EEF2: variants seen among roughly 807,000 people sequenced by gnomAD.
The protein encoded by EEF2 is eukaryotic translation elongation factor 2.
In EEF2, 21 loss-of-function variants were observed where a neutral mutation model predicts 85.3. The ratio of observed to expected loss-of-function variants is 0.25; its 90% confidence interval spans 0.17 to 0.35. The LOEUF (loss-of-function observed/expected upper bound fraction) is 0.35. Among genes scored for constraint, EEF2 ranks in the 10% least tolerant of loss-of-function variants. The pLI, the probability that EEF2 is intolerant of heterozygous loss-of-function variation, is 1.00. For missense variants in EEF2, 825 were observed against 1,225.3 expected, an observed-to-expected ratio of 0.67 and a Z score of 4.88; for synonymous variants, 723 against 508.8, an observed-to-expected ratio of 1.42 and a Z score of -5.67.
chr19:3,985,248 G>T, intron 1 of EEF2, 130 bp downstream of exon 1: 2 of 1,067,388 alleles, frequency 1.9e-6, no homozygotes, highest in South Asian at 2.9e-5. Flanking sequence ...CCCCAGCCCC[G>T]GGTCCTCCGG....
intron 2 of EEF2, among the ~76,000 whole-genome samples, chr19:3,983,589 C>G (rs1022406999): frequency 6.6e-6 from 1 of 152,092 alleles, no homozygotes; most frequent in African/African-American, 2.4e-5. Context: ...ACTAAAAGAC[C>G]CAGCAGGACG....
At chr19:3,978,668 G>A (rs893498703) in intron 11 of EEF2, among the ~76,000 whole-genome samples, 2 of 151,344 alleles carry the variant, frequency 1.3e-5, no homozygotes, top group African/African-American at 4.9e-5. Flanking sequence ...AGCCGGGCAT[G>A]ATGGCAGGCG....
In EEF2 at chr19:3,977,924, G is replaced by C. The variant is rs112868528; in HGVS notation, c.1962C>G (p.Pro654=). The change falls in exon 12 of 15, where the codon CCC becomes CCG. Residue 654 remains proline, a synonymous_variant. Coordinates refer to ENST00000309311, the MANE Select transcript of EEF2 (RefSeq NM_001961.4). This position sits in a 1 kb window ranked among gnomAD's most constrained non-coding sequence, Gnocchi z 5.4. ...AEARKIWCFG[P]DGTGPNILTD... ...TGAGGATGTTGGGGCCGGTGCCGTC[G>C]GGCCCAAAGCACCAGATCTTGCGGG... is the stretch of plus-strand genomic sequence containing the variant. 1.9e-6 allele frequency: 3 copies of C among 1,613,426 alleles called. No homozygotes were observed. The highest frequency in any genetic ancestry group is 1.7e-6 in the Non-Finnish European group (2 of 1,179,994).
Position 3,977,751 on chromosome 19 carries a change from G to C in EEF2, c.2067+68C>G. ...CCCATTAGGGTCTCTGTCTCGGGAG[G>C]CAGGACCATGAGGTCCCTCTAGAGC... On this transcript the variant is annotated intron_variant, in intron 12 of 14. Coordinates refer to ENST00000309311, the MANE Select transcript of EEF2 (RefSeq NM_001961.4). This position sits in a 1 kb window ranked among gnomAD's most constrained non-coding sequence, Gnocchi z 5.4. 2 of 1,498,370 alleles carry C rather than the reference G, an allele frequency of 1.3e-6. No homozygotes were observed. Among genetic ancestry groups the C allele is most frequent in the Non-Finnish European group, 1.8e-6 (2 of 1,124,574 alleles). 92.8% of individuals were successfully genotyped at this position (1,498,370 alleles called of 1,614,324 possible). A position where few individuals can be genotyped will look rare whatever the true frequency, so the allele number is the denominator to read the frequency against.
Position 3,981,970 on chromosome 19 carries a change from G to A in EEF2, c.874C>T (p.Leu292=), listed in dbSNP as rs768813577. ...ACCTTGAAGATGGGGTCCAGGATCA[G>A]CTGGCAGAAGGTGCGTGGCAGCTTC... ...GKKLPRTFCQ[L]ILDPIFKVFD... The change falls in exon 6 of 15, where the codon CTG becomes TTG. Residue 292 remains leucine, a synonymous_variant. Transcript: ENST00000309311. 1.9e-6 allele frequency: 3 copies of A among 1,614,146 alleles called. No individual in the cohort carries two copies. Among genetic ancestry groups the A allele is most frequent in the Non-Finnish European group, 2.5e-6 (3 of 1,180,008 alleles).
intron 1 of EEF2, chr19:3,984,705 C>G (rs1052168210): frequency 4.6e-6 from 1 of 217,592 alleles, no homozygotes; most frequent in Non-Finnish European, 9.2e-6. Context: ...ACGTTGTCAC[C>G]GGGCCACCCA....
chr19:3,985,040 G>C (rs573121601), intron 1 of EEF2: 22 of 339,182 alleles, frequency 6.5e-5, no homozygotes, highest in African/African-American at 4.0e-4. Flanking sequence ...GCGGCCCGCG[G>C]GTTACATAAG....
In EEF2 at chr19:3,976,448, G is replaced by A. The variant is rs924434906; in HGVS notation, c.*106C>T. 7.6e-7 allele frequency: 1 copy of A among 1,321,354 alleles called. No individual in the cohort carries two copies. The highest frequency in any genetic ancestry group is 1.5e-5 in the African/African-American group (1 of 68,040). The allele number at this position is 1,321,354 out of a possible 1,614,324, so 81.9% of individuals were successfully genotyped here. ...CGGGCCCCAGAAACCTCTCAGGGGA[G>A]CGTCGCTGTGTCGGGACAGTCTCCA... is the stretch of plus-strand genomic sequence containing the variant. On this transcript the variant is annotated 3_prime_UTR_variant, in exon 15 of 15. Transcript: ENST00000309311.
At position 3,977,194 on chromosome 19, in the gene EEF2, C is replaced by T; in HGVS notation, c.2383+21G>A. 6.2e-7 allele frequency: 1 copy of T among 1,609,938 alleles called. No individual in the cohort carries two copies. The stretch of plus-strand genomic sequence containing the variant: ...AAACCAGCCTGCCAGGCTCTGCAGG[C>T]CACACCGGGCAGGCACTCACCAAAG... On this transcript the variant is annotated intron_variant, in intron 14 of 14. Transcript: ENST00000309311. This position sits in a 1 kb window ranked among gnomAD's most constrained non-coding sequence, Gnocchi z 5.4.
chr19:3,979,540 C>G (rs576527805), intron 10 of EEF2, 104 bp from the exon 11 acceptor site: 6 of 1,094,912 alleles, frequency 5.5e-6, no homozygotes, highest in East Asian at 4.8e-5. Context: ...AACAAGATTT[C>G]AGGGAAGGTG....
chr19:3,983,984 T>A (rs2039788500), intron 2 of EEF2, 152 bp downstream of exon 2: 1 of 795,158 alleles, frequency 1.3e-6, no homozygotes, highest in African/African-American at 1.7e-5. Context: ...CCATCCTGTC[T>A]CGCTGGACTG....
intron 2 of EEF2, chr19:3,983,896 G>A (rs1339501088): frequency 9.0e-6 from 5 of 555,396 alleles, no homozygotes; most frequent in Middle Eastern, 4.8e-4. Context: ...AAGTCCCCCA[G>A]GGAGGGAGAA....
rs1333674755 is a variant in EEF2, at chr19:3,977,846, C to T, written c.2040G>A (p.Val680=). Residue 680 remains valine (V), a synonymous_variant, in exon 12 of 15, where the codon GTG becomes GTA. Coordinates refer to ENST00000309311, the MANE Select transcript of EEF2 (RefSeq NM_001961.4). This position sits in a 1 kb window ranked among gnomAD's most constrained non-coding sequence, Gnocchi z 5.4. ...CCTTGGTGGCCCACTGGAAGCCGGC[C>T]ACCACACTGTCCTTGATCTCGTTGA... ...QYLNEIKDSV[V]AGFQWATKEG... is the part of the protein sequence containing the mutation. 1.9e-6 allele frequency: 3 copies of T among 1,594,746 alleles called. No homozygotes were observed. The African/African-American group carries it at 4.0e-5, about 21-fold the overall frequency.
At chr19:3,982,485 G>A in intron 4 of EEF2, 61 bp from the exon 5 acceptor site, 1 of 1,606,284 alleles carries the variant, frequency 6.2e-7, no homozygotes, top group Non-Finnish European at 8.5e-7. Context: ...TGAAGCTACG[G>A]GCTGGGCGCC....
chr19:3,978,832 T>A (rs370552007), intron 11 of EEF2, among the ~76,000 whole-genome samples: 2,917 of 24,776 alleles, frequency 0.12, 9 homozygotes, highest in Non-Finnish European at 0.15. Context: ...AAAAAAAAAA[T>A]AGCCCTGGGC....
intron 9 of EEF2, 132 bp from the exon 10 acceptor site, chr19:3,980,198 C>G: frequency 7.6e-7 from 1 of 1,312,426 alleles, no homozygotes; most frequent in Non-Finnish European, 1.0e-6. Flanking sequence ...TTCCACAAGG[C>G]CCTGACTGCT....
intron 1 of EEF2, among the ~76,000 whole-genome samples, chr19:3,984,558 T>C (rs74628367): frequency 1.3e-5 from 2 of 152,206 alleles, no homozygotes; most frequent in Non-Finnish European, 2.9e-5. Flanking sequence ...GTGTCATTCA[T>C]GATTGACAAC....
Position 3,984,130 on chromosome 19 carries a change from G to A in EEF2, c.218+6C>T. 2 of 1,613,434 alleles carry A rather than the reference G, an allele frequency of 1.2e-6. No homozygotes were observed. Among genetic ancestry groups the A allele is most frequent in the Non-Finnish European group, 1.7e-6 (2 of 1,179,696 alleles). ...TGCCTGGGTACAGAGGGCACAGGGA[G>A]CTCACGTTGACTTGATGGTGATGCA... is the stretch of plus-strand genomic sequence containing the variant. On this transcript the variant is annotated splice_donor_region_variant and intron_variant, in intron 2 of 14. Transcript: ENST00000309311.
chr19:3,977,968 C>T lies in EEF2; in HGVS notation c.1918G>A (p.Glu640Lys), dbSNP rs764042018. 7 of 1,613,204 alleles carry T rather than the reference C, an allele frequency of 4.3e-6. No homozygotes were observed. The highest frequency in any genetic ancestry group is 2.7e-5 in the African/African-American group (2 of 74,936). The change falls in exon 12 of 15, where the codon GAG becomes AAG. Residue 640 changes from glutamate (E) to lysine (K), a missense_variant. By Grantham distance (56) the Glu-to-Lys change is moderately conservative. Transcript: ENST00000309311. The surrounding 1 kb of genome is among the most constrained non-coding windows in gnomAD (Gnocchi z 5.4). ...QRARYLAEKY[E>K]WDVAEARKIW... ...TTGCGGGCCTCAGCCACGTCCCACT[C>T]GTACTTCTCGGCCAGGTAGCGCGCC...
Sources: gnomAD v4.1 joint callset for allele counts (sites outside exome capture counted in the v4.1 genomes callset) on GRCh38, gnomAD v4.1.1 for gene constraint, Gnocchi (gnomAD v3.1) non-coding constraint, MANE v1.5 for transcripts, NCBI Gene and HGNC (gene_info 2026-07-23, HGNC 2026-07-21) for gene names.